The following ST6GALNAC5 variants were observed in gnomAD, a reference collection of about 807,000 sequenced individuals.
ST6GALNAC5 encodes the protein alpha-N-acetylgalactosaminide alpha-2,6-sialyltransferase 5.
In ST6GALNAC5, 27 loss-of-function variants were observed where a neutral mutation model predicts 33.6. The ratio of observed to expected loss-of-function variants is 0.80; its 90% confidence interval spans 0.59 to 1.11. The LOEUF is 1.11. Ranked by LOEUF, ST6GALNAC5 falls within the 50% of genes least tolerant of loss-of-function variation. The probability of loss-of-function intolerance (pLI) is 0.00; values close to 1 mark genes in which losing one functional copy is unlikely to be tolerated. For missense variants in ST6GALNAC5, 428 were observed against 454.0 expected, an observed-to-expected ratio of 0.94 and a Z score of 0.52; for synonymous variants, 194 against 171.2, an observed-to-expected ratio of 1.13 and a Z score of -1.04.
At chr1:76,900,112 G>A (rs1425901477) in intron 2 of ST6GALNAC5, among the ~76,000 whole-genome samples, 1 of 152,140 alleles carries the variant, frequency 6.6e-6, no homozygotes, top group Non-Finnish European at 1.5e-5. Flanking sequence ...CTGTTTTATA[G>A]GATTTGGGTA....
At chr1:77,026,948 G>A (rs1293814074) in intron 2 of ST6GALNAC5, among the ~76,000 whole-genome samples, 3 of 152,262 alleles carry the variant, frequency 2.0e-5, no homozygotes, top group Admixed American at 6.5e-5. Context: ...ACTGCGCACA[G>A]TGGTTTGGGT....
chr1:77,040,613 T>C (rs1028929056), intron 2 of ST6GALNAC5, among the ~76,000 whole-genome samples: 1 of 152,202 alleles, frequency 6.6e-6, no homozygotes, highest in African/African-American at 2.4e-5. Context: ...TAAGGCGATG[T>C]GTTTCACCTG....
At chr1:76,965,422 T>C (rs961285515) in intron 2 of ST6GALNAC5, among the ~76,000 whole-genome samples, 3 of 152,204 alleles carry the variant, frequency 2.0e-5, no homozygotes, top group African/African-American at 4.8e-5. Context: ...TTGAGAAGTG[T>C]CTGTTCATAT....
At chr1:76,932,415 C>T (rs1190355541) in intron 2 of ST6GALNAC5, among the ~76,000 whole-genome samples, 1 of 152,020 alleles carries the variant, frequency 6.6e-6, no homozygotes, top group East Asian at 1.9e-4. Context: ...AGAGAATGCA[C>T]ATGTCTTCAA....
chr1:76,882,062 C>A (rs1185048999), intron 2 of ST6GALNAC5, among the ~76,000 whole-genome samples: 1 of 152,086 alleles, frequency 6.6e-6, no homozygotes, highest in Non-Finnish European at 1.5e-5. Flanking sequence ...AGAGCCTAGG[C>A]CTACCCAGTT....
At chr1:76,884,713 C>T (rs1289944317) in intron 2 of ST6GALNAC5, among the ~76,000 whole-genome samples, 1 of 152,004 alleles carries the variant, frequency 6.6e-6, no homozygotes, top group African/African-American at 2.4e-5. Flanking sequence ...TCCAGAAAGG[C>T]AAGAAAGGGT....
intron 4 of ST6GALNAC5, among the ~76,000 whole-genome samples, chr1:77,059,298 G>T (rs1279316933): frequency 6.6e-6 from 1 of 152,072 alleles, no homozygotes; most frequent in Non-Finnish European, 1.5e-5. Context: ...ACGAATCCAG[G>T]TTCCCTTTGC....
intron 2 of ST6GALNAC5, among the ~76,000 whole-genome samples, chr1:76,901,552 G>A (rs1451650041): frequency 1.1e-4 from 17 of 152,142 alleles, no homozygotes; most frequent in Non-Finnish European, 2.5e-4. Context: ...ATAAATTATG[G>A]TACATTCAAA....
chr1:76,932,329 C>T (rs984145001), intron 2 of ST6GALNAC5, among the ~76,000 whole-genome samples: 3 of 152,080 alleles, frequency 2.0e-5, no homozygotes, highest in Admixed American at 1.3e-4. Context: ...GAATAGAATA[C>T]ATCTTTCTCT....
chr1:76,967,770 T>G (rs1297423950), intron 2 of ST6GALNAC5, among the ~76,000 whole-genome samples: 1 of 152,234 alleles, frequency 6.6e-6, no homozygotes, highest in Non-Finnish European at 1.5e-5. Context: ...CCAGAGATTC[T>G]GGTACATTGT....
At chr1:76,872,110 CACACACACCA>C (rs1415252428) in intron 2 of ST6GALNAC5, among the ~76,000 whole-genome samples, 13 of 136,536 alleles carry the variant, frequency 9.5e-5, no homozygotes, top group African/African-American at 4.1e-4. Context: ...CACACACACA[CACACACACCA>C]CACACATTAA....
chr1:76,999,183 A>G (rs1650048450), intron 2 of ST6GALNAC5, among the ~76,000 whole-genome samples: 1 of 152,132 alleles, frequency 6.6e-6, no homozygotes, highest in Admixed American at 6.6e-5. Context: ...ACAGTAAGGG[A>G]TTTCCCTTGT....
intron 2 of ST6GALNAC5, among the ~76,000 whole-genome samples, chr1:76,910,276 C>T (rs1296613773): frequency 1.3e-5 from 2 of 151,646 alleles, no homozygotes; most frequent in African/African-American, 4.8e-5. Flanking sequence ...GTAATTGCAT[C>T]TTATTATATA....
chr1:76,989,452 G>A (rs1361399670), intron 2 of ST6GALNAC5, among the ~76,000 whole-genome samples: 1 of 151,756 alleles, frequency 6.6e-6, no homozygotes, highest in Non-Finnish European at 1.5e-5. Flanking sequence ...CAAATTCATG[G>A]CAAGACATTT....
At chr1:77,014,199 G>A (rs148424764) in intron 2 of ST6GALNAC5, among the ~76,000 whole-genome samples, 93 of 152,172 alleles carry the variant, frequency 6.1e-4, no homozygotes, top group African/African-American at 2.1e-3. Flanking sequence ...TAACCTTTTC[G>A]GCAGCTCAGA....
At chr1:77,004,224 C>G (rs1650294416) in intron 2 of ST6GALNAC5, among the ~76,000 whole-genome samples, 1 of 151,146 alleles carries the variant, frequency 6.6e-6, no homozygotes, top group Non-Finnish European at 1.5e-5. Context: ...CTTCCCTTCT[C>G]ACTTCATTTC....
Position 77,065,211 on chromosome 1 carries a change from T to A in ST6GALNAC5, c.*2005T>A, listed in dbSNP as rs549540769. 1 of 152,210 alleles carries A rather than the reference T, an allele frequency of 6.6e-6. No individual in the cohort carries two copies. Among genetic ancestry groups the A allele is most frequent in the Non-Finnish European group, 1.5e-5 (1 of 68,028 alleles). 9.4% of individuals were successfully genotyped at this position (152,210 alleles called of 1,614,324 possible). ...TTTATAATCACTTGAAGACGTTATG[T>A]TGCTCAAACATAAGTGGCTCCTTTG... On this transcript the variant is annotated 3_prime_UTR_variant, in exon 5 of 5. Coordinates refer to ENST00000477717, the MANE Select transcript of ST6GALNAC5 (RefSeq NM_030965.3).
intron 2 of ST6GALNAC5, among the ~76,000 whole-genome samples, chr1:76,931,602 T>C (rs3113983): frequency 0.59 from 89,529 of 151,964 alleles, 26,685 homozygotes; most frequent in African/African-American, 0.64. Flanking sequence ...TTTCACAGCA[T>C]TTAAAACAGT....
intron 2 of ST6GALNAC5, among the ~76,000 whole-genome samples, chr1:76,997,223 G>A (rs1423708594): frequency 6.6e-6 from 1 of 152,112 alleles, no homozygotes; most frequent in African/African-American, 2.4e-5. Context: ...GAGTGATAGA[G>A]GATTAGTTTT....
Sources: allele counts gnomAD v4.1 joint callset (sites outside exome capture counted in the v4.1 genomes callset), GRCh38; gene constraint gnomAD v4.1.1; transcripts MANE v1.5; gene names NCBI Gene and HGNC (gene_info 2026-07-23, HGNC 2026-07-21).